The following SYT16 variants were observed in gnomAD, a reference collection of about 807,000 sequenced individuals.
SYT16 encodes the protein synaptotagmin 16, also known as synaptotagmin-16.
In SYT16, 42 loss-of-function variants were observed where a neutral mutation model predicts 61.4. The ratio of observed to expected loss-of-function variants is 0.68; its 90% confidence interval spans 0.53 to 0.89. The LOEUF (loss-of-function observed/expected upper bound fraction) is 0.89. Ranked by LOEUF, SYT16 falls within the 40% of genes least tolerant of loss-of-function variation. SYT16 has a pLI of 0.00. For missense variants in SYT16, 804 were observed against 807.3 expected (o/e 1.00, Z 0.05); for synonymous variants, 314 against 302.3 (o/e 1.04, Z -0.40).
intron 1 of SYT16, among the ~76,000 whole-genome samples, chr14:61,874,686 T>C (rs1199339334): frequency 6.6e-6 from 1 of 152,118 alleles, no homozygotes; most frequent in Admixed American, 6.5e-5. Flanking sequence ...CTCTGTAGTA[T>C]CCAAACTGAA....
At chr14:62,000,098 G>GGTTTTTTTTTTTTTTTTTTTTTTTTTTT (rs1566751979) in intron 3 of SYT16, among the ~76,000 whole-genome samples, 7 of 35,518 alleles carry the variant, frequency 2.0e-4, no homozygotes, top group African/African-American at 7.4e-4. Flanking sequence ...TTTGTCTCTC[G>GGTTTTTTTTTTTTTTTTTTTTTTTTTTT]ATTTTTTTTT....
chr14:62,050,158 G>A (rs932853441), intron 3 of SYT16, among the ~76,000 whole-genome samples: 1 of 152,138 alleles, frequency 6.6e-6, no homozygotes, highest in Non-Finnish European at 1.5e-5. Context: ...TTTCTTGGAG[G>A]CTTTGTTCGT....
chr14:61,921,955 A>G (rs2049348956), intron 1 of SYT16, among the ~76,000 whole-genome samples: 2 of 152,336 alleles, frequency 1.3e-5, no homozygotes, highest in South Asian at 2.1e-4. Context: ...AAGTACTTCT[A>G]TGAGCTTTTT....
intron 3 of SYT16, among the ~76,000 whole-genome samples, chr14:62,046,151 G>A (rs910084177): frequency 1.4e-4 from 21 of 152,124 alleles, no homozygotes; most frequent in Non-Finnish European, 2.6e-4. Context: ...ATTCTAACTG[G>A]TGTGAGATGG....
At chr14:61,938,981 A>G (rs969922924) in intron 1 of SYT16, among the ~76,000 whole-genome samples, 2 of 152,164 alleles carry the variant, frequency 1.3e-5, no homozygotes, top group Non-Finnish European at 2.9e-5. Context: ...CTAAAAATAC[A>G]AAAATTAGCT....
chr14:62,096,003 A>G (rs2141012776), intron 7 of SYT16, among the ~76,000 whole-genome samples: 1 of 152,148 alleles, frequency 6.6e-6, no homozygotes, highest in East Asian at 1.9e-4. Context: ...ATTAGTGGGG[A>G]GATAATGGAT....
chr14:62,053,464 C>G (rs535474007), intron 3 of SYT16, among the ~76,000 whole-genome samples: 2 of 152,344 alleles, frequency 1.3e-5, no homozygotes, highest in South Asian at 2.1e-4. Flanking sequence ...GACTGCAGAC[C>G]TTGGCACTTC....
chr14:61,812,606 G>C (rs1190118702), upstream of SYT16: 1 of 148,664 alleles, frequency 6.7e-6, no homozygotes, highest in South Asian at 1.8e-4. Flanking sequence ...CGCCGGCGGC[G>C]GCCGCAGGGC....
chr14:61,916,667 A>G (rs936118206), intron 1 of SYT16, among the ~76,000 whole-genome samples: 1 of 152,122 alleles, frequency 6.6e-6, no homozygotes, highest in Non-Finnish European at 1.5e-5. Flanking sequence ...CTGCTGTGCT[A>G]TCGAACAGTG....
intron 3 of SYT16, among the ~76,000 whole-genome samples, chr14:62,007,622 C>T (rs761065136): frequency 5.3e-5 from 8 of 152,038 alleles, no homozygotes; most frequent in Non-Finnish European, 8.8e-5. Context: ...AAATTTCAGG[C>T]ATATAACAAA....
At chr14:62,042,929 G>T (rs1254930) in intron 3 of SYT16, among the ~76,000 whole-genome samples, 83,163 of 151,850 alleles carry the variant, frequency 0.55, 23,308 homozygotes, top group African/African-American at 0.66. Flanking sequence ...GGAATCCCTG[G>T]TTTTTTGTTT....
intron 1 of SYT16, among the ~76,000 whole-genome samples, chr14:61,946,797 T>C (rs1269802878): frequency 6.6e-6 from 1 of 152,162 alleles, no homozygotes; most frequent in Non-Finnish European, 1.5e-5. Flanking sequence ...TGCAACCATA[T>C]GTTTTGAGAA....
intron 1 of SYT16, among the ~76,000 whole-genome samples, chr14:61,885,688 A>G (rs1187512886): frequency 6.6e-6 from 1 of 152,232 alleles, no homozygotes; most frequent in East Asian, 1.9e-4. Context: ...ACCAAAATAA[A>G]GCAAATATCT....
At position 62,082,418 on chromosome 14, in the gene SYT16, G is replaced by T. The variant is rs189409838; in HGVS notation, c.1434+1144G>T. 1.3e-3 allele frequency among the ~76,000 whole-genome samples: 196 copies of T among 152,146 alleles called. 1 individual carries two copies. The highest frequency in any genetic ancestry group is 4.3e-3 in the African/African-American group (178 of 41,520). The stretch of plus-strand genomic sequence containing the variant: ...GCAGTTGCATTCTTCCAATTGCTGG[G>T]GTCAAAAATCTCAGAAGTCATCTGT... On this transcript the variant is annotated intron_variant, in intron 6 of 7. Transcript: ENST00000683842.
At chr14:61,975,373 C>T (rs1336433195) in intron 2 of SYT16, among the ~76,000 whole-genome samples, 1 of 152,054 alleles carries the variant, frequency 6.6e-6, no homozygotes, top group African/African-American at 2.4e-5. Flanking sequence ...TTAATTGCCT[C>T]ATGTGTCAGT....
chr14:62,009,398 C>T (rs1366869743), intron 3 of SYT16, among the ~76,000 whole-genome samples: 2 of 152,136 alleles, frequency 1.3e-5, no homozygotes, highest in Non-Finnish European at 2.9e-5. Context: ...ACCAAGTTTA[C>T]AAGAGGAAAC....
intron 3 of SYT16, among the ~76,000 whole-genome samples, chr14:62,039,296 G>A (rs1430667844): frequency 2.0e-5 from 3 of 152,162 alleles, no homozygotes; most frequent in African/African-American, 7.2e-5. Flanking sequence ...AAGGCATGAG[G>A]TGCCTTGGTC....
At chr14:61,958,405 T>C (rs1479346356) in intron 1 of SYT16, among the ~76,000 whole-genome samples, 1 of 151,978 alleles carries the variant, frequency 6.6e-6, no homozygotes, top group Non-Finnish European at 1.5e-5. Context: ...TGTACGTATT[T>C]ATTGCTTTAA....
chr14:61,947,811 G>A (rs752193750), intron 1 of SYT16, among the ~76,000 whole-genome samples: 1 of 152,174 alleles, frequency 6.6e-6, no homozygotes, highest in African/African-American at 2.4e-5. Context: ...ATTGTGCAAA[G>A]GGTGCATTCA....
Sources: gnomAD v4.1 joint callset for allele counts (sites outside exome capture counted in the v4.1 genomes callset) on GRCh38, gnomAD v4.1.1 for gene constraint, MANE v1.5 for transcripts, NCBI Gene and HGNC (gene_info 2026-07-23, HGNC 2026-07-21) for gene names.